SFXN5: variants seen among roughly 807,000 people sequenced by gnomAD.
SFXN5 encodes sideroflexin 5.
A neutral mutation model predicts 50.2 loss-of-function variants in SFXN5; 43 were observed. The ratio of observed to expected loss-of-function variants is 0.86; its 90% CI spans 0.67 to 1.11. SFXN5 has a LOEUF of 1.11. Among genes scored for constraint, SFXN5 ranks in the 50% least tolerant of loss-of-function variants. The pLI is 0.00. For synonymous variants in SFXN5, 203 were observed against 185.8 expected, an observed-to-expected ratio of 1.09 and a Z score of -0.75; for missense variants, 463 against 454.1, an observed-to-expected ratio of 1.02 and a Z score of -0.18.
chr2:73,048,693 T>C (rs1427969151), intron 2 of SFXN5, among the ~76,000 whole-genome samples: 2 of 152,230 alleles, frequency 1.3e-5, no homozygotes, highest in East Asian at 3.8e-4. Flanking sequence ...TCTTTTCAAT[T>C]GTTAGGGATG....
chr2:73,008,689 T>C (rs1675084515), intron 6 of SFXN5, among the ~76,000 whole-genome samples: 1 of 152,096 alleles, frequency 6.6e-6, no homozygotes, highest in African/African-American at 2.4e-5. Flanking sequence ...GAAAGATACC[T>C]GAAGAAAGGG....
chr2:72,968,325 C>A, intron 12 of SFXN5, 123 bp downstream of exon 12: 1 of 803,622 alleles, frequency 1.2e-6, no homozygotes. Flanking sequence ...ACCTTCCACC[C>A]TCTACACAAA....
intron 6 of SFXN5, among the ~76,000 whole-genome samples, chr2:73,016,921 C>G (rs969131083): frequency 2.0e-5 from 3 of 152,102 alleles, no homozygotes; most frequent in African/African-American, 7.2e-5. Flanking sequence ...ACACTGGCAA[C>G]AGAGTACATT....
At chr2:72,974,860 A>C (rs1260315647) in intron 10 of SFXN5, among the ~76,000 whole-genome samples, 1 of 151,750 alleles carries the variant, frequency 6.6e-6, no homozygotes, top group African/African-American at 2.4e-5. Flanking sequence ...AGAGAGAAAA[A>C]AAAAAAAACA....
intron 8 of SFXN5, 90 bp from the exon 9 acceptor site, chr2:72,999,104 C>T (rs923353580): frequency 1.0e-4 from 140 of 1,382,188 alleles, no homozygotes; most frequent in Non-Finnish European, 1.4e-4. Context: ...CAAGAAGCAT[C>T]CTGCCCACCA....
At chr2:73,055,690 C>T (rs1682012685) in intron 2 of SFXN5, among the ~76,000 whole-genome samples, 1 of 151,460 alleles carries the variant, frequency 6.6e-6, no homozygotes, top group Non-Finnish European at 1.5e-5. Flanking sequence ...GATCTCGCCT[C>T]ACTGCAAGCT....
chr2:73,052,373 T>A (rs1311441204), intron 2 of SFXN5, among the ~76,000 whole-genome samples: 17 of 149,214 alleles, frequency 1.1e-4, no homozygotes, highest in African/African-American at 3.8e-4. Flanking sequence ...TGTGTGTGTG[T>A]GTGTGTGTGT....
At chr2:72,963,885 G>A (rs898112130) in intron 12 of SFXN5, among the ~76,000 whole-genome samples, 7 of 152,312 alleles carry the variant, frequency 4.6e-5, no homozygotes, top group African/African-American at 1.7e-4. Flanking sequence ...GTGAACCCCT[G>A]GAGCATTCAG....
intron 13 of SFXN5, chr2:72,957,151 A>G (rs1242012316): frequency 4.5e-6 from 2 of 444,478 alleles, no homozygotes; most frequent in Non-Finnish European, 9.2e-6. Context: ...CCCCCCATAC[A>G]CTGAAGGTTC....
In SFXN5 at chr2:72,944,661, C is replaced by A. The variant is rs956398647; in HGVS notation, c.*361G>T. ...CTGAAACTAAGGCTCAGATTTGATT[C>A]TGATAAAAAATAAAAATAAAAAAGG... On this transcript the variant is annotated 3_prime_UTR_variant, in exon 14 of 14. Coordinates refer to ENST00000272433, the MANE Select transcript of SFXN5 (RefSeq NM_144579.3). The A allele has an allele frequency of 1.7e-4, 33 of 189,408 alleles. No homozygotes were observed. Among genetic ancestry groups the A allele is most frequent in the African/African-American group, 7.8e-4 (33 of 42,526 alleles). 11.7% of individuals were successfully genotyped at this position (189,408 alleles called of 1,614,324 possible). A position where few individuals can be genotyped will look rare whatever the true frequency, so the allele number is the denominator to read the frequency against.
intron 6 of SFXN5, among the ~76,000 whole-genome samples, chr2:73,009,652 C>T (rs1675239687): frequency 6.6e-6 from 1 of 152,236 alleles, no homozygotes; most frequent in Admixed American, 6.5e-5. Flanking sequence ...CCAGGGCATC[C>T]TCTTCTTACA....
chr2:72,963,726 C>A (rs1674036446), intron 12 of SFXN5, among the ~76,000 whole-genome samples: 1 of 152,178 alleles, frequency 6.6e-6, no homozygotes, highest in Non-Finnish European at 1.5e-5. Context: ...AGCCTGGTGC[C>A]CCTGCTGGCC....
At chr2:73,059,265 G>A (rs1682549997) in intron 1 of SFXN5, 1 of 985,648 alleles carries the variant, frequency 1.0e-6, no homozygotes, top group Non-Finnish European at 1.2e-6. Flanking sequence ...CCGGCTGCTG[G>A]GCCTTCTGCC....
chr2:72,992,777 T>C lies in SFXN5; in HGVS notation c.535-4429A>G, dbSNP rs148539969. On this transcript the variant is annotated intron_variant, in intron 9 of 13. Transcript: ENST00000272433. This position sits in a 1 kb window ranked among gnomAD's most constrained non-coding sequence, Gnocchi z 4.5. ...GTTTCCACTCTTGCCCCCATCCATC[T>C]GCTCTCTACAGCAGTCGGAGTGAAG... Among the ~76,000 whole-genome samples, 124 of 152,358 alleles carry C rather than the reference T, an allele frequency of 8.1e-4. No homozygotes were observed. Among genetic ancestry groups the C allele is most frequent in the African/African-American group, 2.9e-3 (119 of 41,588 alleles).
At chr2:73,039,165 T>G (rs538928586) in intron 3 of SFXN5, among the ~76,000 whole-genome samples, 1 of 152,284 alleles carries the variant, frequency 6.6e-6, no homozygotes, top group South Asian at 2.1e-4. Flanking sequence ...TGACCTCAAG[T>G]GATCCGCCCG....
rs1179952822 is a variant in SFXN5, at chr2:73,047,246, AT to A, written c.172-6316del. Among the ~76,000 whole-genome samples, 243 of 25,428 alleles carry A rather than the reference AT, an allele frequency of 9.6e-3. 4 individuals carry two copies. Among genetic ancestry groups the A allele is most frequent in the Non-Finnish European group, 0.013 (191 of 14,316 alleles). The allele number at this position is 25,428 out of a possible 152,430, so 16.7% of individuals were successfully genotyped here. A position where few individuals can be genotyped will look rare whatever the true frequency, so the allele number is the denominator to read the frequency against. ...AAAAAAAAAAAAAAAAAAAAAAAAA[AT>A]ATATATATATATATATATATATATA... On this transcript the variant is annotated intron_variant, in intron 2 of 13. Coordinates refer to ENST00000272433, the MANE Select transcript of SFXN5 (RefSeq NM_144579.3).
chr2:73,021,274 G>C (rs915836291), intron 5 of SFXN5, among the ~76,000 whole-genome samples: 1 of 152,150 alleles, frequency 6.6e-6, no homozygotes, highest in South Asian at 2.1e-4. Flanking sequence ...CTTGAGGTCA[G>C]GAGTTCTAGA....
At chr2:72,949,401 GC>G (rs1357570377) in intron 13 of SFXN5, among the ~76,000 whole-genome samples, 1 of 152,206 alleles carries the variant, frequency 6.6e-6, no homozygotes, top group Non-Finnish European at 1.5e-5. Context: ...GCAGCTCACT[GC>G]AGCCTCAAAC....
chr2:73,050,417 CA>C (rs1378183864), intron 2 of SFXN5, among the ~76,000 whole-genome samples: 15 of 152,230 alleles, frequency 9.9e-5, no homozygotes, highest in Middle Eastern at 3.4e-3. Context: ...CACACACACA[CA>C]CACCCCTGCA....
Sources: gnomAD v4.1 joint callset for allele counts (sites outside exome capture counted in the v4.1 genomes callset) on GRCh38, gnomAD v4.1.1 for gene constraint, Gnocchi (gnomAD v3.1) non-coding constraint, MANE v1.5 for transcripts, NCBI Gene and HGNC (gene_info 2026-07-23, HGNC 2026-07-21) for gene names.